Variants in RARB observed in about 807,000 individuals in gnomAD.
RARB encodes retinoic acid receptor beta, also known as HBV-activated protein.
RARB carries 17 observed loss-of-function variants against 51.9 expected under a neutral mutation model. The observed-to-expected ratio is 0.33, with a 90% CI of 0.22 to 0.49. The LOEUF (loss-of-function observed/expected upper bound fraction) is 0.49, where lower values mean the gene tolerates loss of function less well. Ranked by LOEUF, RARB falls within the 20% of genes least tolerant of loss-of-function variation. The pLI, the probability that RARB is intolerant of heterozygous loss-of-function variation, is 0.99. For missense variants in RARB, 369 were observed against 550.8 expected, an observed-to-expected ratio of 0.67 and a Z score of 3.30; for synonymous variants, 215 against 195.4, an observed-to-expected ratio of 1.10 and a Z score of -0.84.
chr3:25,349,223 C>A (rs1240396734), intron 5 of RARB, among the ~76,000 whole-genome samples: 1 of 152,106 alleles, frequency 6.6e-6, no homozygotes, highest in Non-Finnish European at 1.5e-5. Context: ...AAATTCATGC[C>A]CTCAGCATGT....
chr3:25,178,511 C>A (rs1249203923), intron 5 of RARB, among the ~76,000 whole-genome samples: 1 of 151,936 alleles, frequency 6.6e-6, no homozygotes, highest in Non-Finnish European at 1.5e-5. Flanking sequence ...ATGTTGGAGT[C>A]AAATTCCAAA....
Position 24,952,171 on chromosome 3 carries a change from C to T in RARB, c.-380+93419C>T, listed in dbSNP as rs191766067. The stretch of plus-strand genomic sequence containing the variant: ...GGAAGGATCCTTTGAGCCAAGAGTT[C>T]AAGGCCAGTCTGGGTAACATAGTGA... On this transcript the variant is annotated intron_variant, in intron 2 of 11. Coordinates refer to the RARB transcript ENST00000383772. Among the ~76,000 whole-genome samples the T allele has an allele frequency of 3.1e-4, 47 of 151,982 alleles. No individual in the cohort carries two copies. In the East Asian group the frequency reaches 5.0e-3, roughly 16 times the overall value.
chr3:24,937,260 C>G (rs960816367), intron 2 of RARB, among the ~76,000 whole-genome samples: 3 of 152,114 alleles, frequency 2.0e-5, no homozygotes, highest in Non-Finnish European at 2.9e-5. Context: ...CTGCCAGAAA[C>G]TAGTTGCTAC....
At chr3:25,155,795 C>T (rs989305390) in intron 4 of RARB, among the ~76,000 whole-genome samples, 1 of 152,226 alleles carries the variant, frequency 6.6e-6, no homozygotes, top group Non-Finnish European at 1.5e-5. Flanking sequence ...GCTCTGCAGC[C>T]TGTCTGCTAC....
intron 5 of RARB, among the ~76,000 whole-genome samples, chr3:25,207,535 G>A (rs527580751): frequency 1.1e-4 from 16 of 152,200 alleles, no homozygotes; most frequent in African/African-American, 3.9e-4. Flanking sequence ...ATGATAACTA[G>A]TAAAATTACA....
chr3:25,447,679 G>T (rs1322344307), intron 1 of RARB, among the ~76,000 whole-genome samples: 2 of 152,176 alleles, frequency 1.3e-5, no homozygotes, highest in Non-Finnish European at 2.9e-5. Flanking sequence ...AGGGGGCTAG[G>T]CAGCCTGGAT....
At chr3:24,996,972 A>G (rs973758425) in intron 2 of RARB, among the ~76,000 whole-genome samples, 2 of 152,144 alleles carry the variant, frequency 1.3e-5, no homozygotes, top group African/African-American at 2.4e-5. Flanking sequence ...TTTTAGGTCC[A>G]TTTGGTCTAT....
Position 24,960,914 on chromosome 3 carries a change from G to A in RARB, c.-379-99211G>A, listed in dbSNP as rs533228896. ...TTGGGAACAATGACTAGGAATGACAGAATGGAAAAGAACAGGTTGTGAAAT... is the reference window on the plus strand; with the variant it reads ...TTGGGAACAATGACTAGGAATGACAAAATGGAAAAGAACAGGTTGTGAAAT... On this transcript the variant is annotated intron_variant, in intron 2 of 11. Transcript: ENST00000383772. Among the ~76,000 whole-genome samples the A allele has an allele frequency of 2.6e-5, 4 of 152,310 alleles. No individual in the cohort carries two copies. The East Asian group carries it at 7.7e-4, about 29-fold the overall frequency.
chr3:25,008,932 A>G (rs1697334995), intron 2 of RARB, among the ~76,000 whole-genome samples: 1 of 152,166 alleles, frequency 6.6e-6, no homozygotes, highest in Non-Finnish European at 1.5e-5. Flanking sequence ...AACTTTTACT[A>G]GTAACAACAA....
At chr3:25,365,690 T>G (rs1198044629) in intron 5 of RARB, among the ~76,000 whole-genome samples, 2 of 152,204 alleles carry the variant, frequency 1.3e-5, no homozygotes, top group Non-Finnish European at 2.9e-5. Flanking sequence ...TCGTGTCTGT[T>G]ATCTGGGCTA....
chr3:25,534,084 C>T (rs1699036749), intron 3 of RARB, among the ~76,000 whole-genome samples: 1 of 152,234 alleles, frequency 6.6e-6, no homozygotes, highest in Non-Finnish European at 1.5e-5. Context: ...AATGCAGCTC[C>T]AACTTCCTAG....
chr3:25,264,614 A>C lies in RARB; in HGVS notation c.178+90039A>C, dbSNP rs916890826. On this transcript the variant is annotated intron_variant, in intron 5 of 11. Coordinates refer to the RARB transcript ENST00000383772. ...CTTTACTTTTTAAATATCAGACACT[A>C]ACATTTATTAATTTTTATAAAGTTT... Among the ~76,000 whole-genome samples the C allele has an allele frequency of 9.8e-5, 15 of 152,328 alleles. 1 individual carries two copies. The highest frequency in any genetic ancestry group is 6.8e-3 in the Middle Eastern group (2 of 294).
chr3:25,032,836 G>C (rs968919658), intron 2 of RARB, among the ~76,000 whole-genome samples: 3 of 152,120 alleles, frequency 2.0e-5, no homozygotes, highest in African/African-American at 4.8e-5. Flanking sequence ...GTTCACTAAG[G>C]CATAAGGACT....
At chr3:24,865,771 C>T (rs1170564964) in intron 2 of RARB, among the ~76,000 whole-genome samples, 1 of 152,170 alleles carries the variant, frequency 6.6e-6, no homozygotes, top group Non-Finnish European at 1.5e-5. Flanking sequence ...TCACTGTGGT[C>T]TTACTGAATA....
At chr3:25,198,280 G>C (rs751013233) in intron 5 of RARB, among the ~76,000 whole-genome samples, 17 of 152,024 alleles carry the variant, frequency 1.1e-4, no homozygotes, top group Non-Finnish European at 2.9e-5. Flanking sequence ...TATCAAACTG[G>C]ATTAAAGACT....
At chr3:25,318,750 A>G (rs1704490238) in intron 5 of RARB, among the ~76,000 whole-genome samples, 1 of 152,240 alleles carries the variant, frequency 6.6e-6, no homozygotes, top group Non-Finnish European at 1.5e-5. Flanking sequence ...AGTGCTTAGC[A>G]GAATTGTAAG....
intron 5 of RARB, among the ~76,000 whole-genome samples, chr3:25,383,090 G>C (rs1324452272): frequency 2.0e-5 from 3 of 152,190 alleles, no homozygotes; most frequent in Non-Finnish European, 4.4e-5. Flanking sequence ...TACTATGCAA[G>C]TACAAATTCC....
chr3:24,848,263 G>T (rs1483568075), intron 1 of RARB, among the ~76,000 whole-genome samples: 3 of 152,146 alleles, frequency 2.0e-5, no homozygotes. Context: ...TTTTTGCCAT[G>T]TTGCCCAGAC....
At chr3:25,337,642 A>G (rs970242694) in intron 5 of RARB, among the ~76,000 whole-genome samples, 1 of 152,092 alleles carries the variant, frequency 6.6e-6, no homozygotes, top group South Asian at 2.1e-4. Context: ...TTTTTCAATT[A>G]CTTCTTCAGA....
Sources: gnomAD v4.1 joint callset for allele counts (sites outside exome capture counted in the v4.1 genomes callset) on GRCh38, gnomAD v4.1.1 for gene constraint, MANE v1.5 for transcripts, NCBI Gene and HGNC (gene_info 2026-07-23, HGNC 2026-07-21) for gene names.